ATP10B: variants seen among roughly 807,000 people sequenced by gnomAD.
ATP10B encodes phospholipid-transporting ATPase VB.
Under a neutral mutation model 141.2 loss-of-function variants are expected in ATP10B, and 122 were observed. That is an observed-to-expected ratio of 0.86 (90% CI 0.75 to 1.00). The LOEUF (loss-of-function observed/expected upper bound fraction) is 1.00, where lower values mean the gene tolerates loss of function less well. Ranked by LOEUF, ATP10B falls within the 50% of genes least tolerant of loss-of-function variation. The pLI is 0.00. For missense variants in ATP10B, 1,876 were observed against 1,825.3 expected, an observed-to-expected ratio of 1.03 and a Z score of -0.51; for synonymous variants, 685 against 692.0, an observed-to-expected ratio of 0.99 and a Z score of 0.16.
At chr5:160,881,577 C>G in the ATP10B span, among the ~76,000 whole-genome samples, 1 of 152,088 alleles carries the variant, frequency 6.6e-6, no homozygotes, top group Non-Finnish European at 1.5e-5. Flanking sequence ...CTTTGGGAGG[C>G]CGAGGCGGGT....
At chr5:160,643,528 T>C (rs1436149132) in intron 9 of ATP10B, among the ~76,000 whole-genome samples, 1 of 152,172 alleles carries the variant, frequency 6.6e-6, no homozygotes, top group African/African-American at 2.4e-5. Context: ...GATTCCATTG[T>C]GAGAAGCGCT....
intron 2 of ATP10B, among the ~76,000 whole-genome samples, chr5:160,776,563 C>T (rs140831748): frequency 1.3e-5 from 2 of 152,284 alleles, no homozygotes; most frequent in Non-Finnish European, 1.5e-5. Flanking sequence ...CAGGTTGACA[C>T]AGCTACTGAG....
chr5:160,829,599 G>A (rs974927580), intron 1 of ATP10B, among the ~76,000 whole-genome samples: 16 of 152,040 alleles, frequency 1.1e-4, no homozygotes, highest in Middle Eastern at 3.2e-3. Flanking sequence ...CCATGAGTAC[G>A]TAACATTTTT....
At chr5:160,716,592 A>T (rs1223972877) in intron 3 of ATP10B, among the ~76,000 whole-genome samples, 1 of 152,236 alleles carries the variant, frequency 6.6e-6, no homozygotes, top group Non-Finnish European at 1.5e-5. Context: ...CACTGGGAAG[A>T]CGATACATAT....
chr5:160,728,203 AC>A (rs1766493907), intron 2 of ATP10B, among the ~76,000 whole-genome samples: 1 of 152,100 alleles, frequency 6.6e-6, no homozygotes, highest in Non-Finnish European at 1.5e-5. Context: ...CTTACTGCCT[AC>A]CGTCTCTTCT....
chr5:160,780,255 G>A (rs1463761911), intron 2 of ATP10B, among the ~76,000 whole-genome samples: 2 of 152,124 alleles, frequency 1.3e-5, no homozygotes, highest in African/African-American at 4.8e-5. Flanking sequence ...AGTAGAAGCT[G>A]GGAGCATGGA....
chr5:160,786,882 C>A (rs543076004), intron 1 of ATP10B, among the ~76,000 whole-genome samples: 1 of 152,186 alleles, frequency 6.6e-6, no homozygotes, highest in East Asian at 1.9e-4. Flanking sequence ...CAGGGGACAG[C>A]TGAACTAAGT....
At chr5:160,773,070 G>GCTAT (rs67407130) in intron 2 of ATP10B, among the ~76,000 whole-genome samples, 19 of 151,700 alleles carry the variant, frequency 1.3e-4, no homozygotes, top group Non-Finnish European at 8.8e-5. Context: ...ATTTGTTGTC[G>GCTAT]TTGTTAATTA....
chr5:160,731,399 C>G (rs1456789873), intron 2 of ATP10B, among the ~76,000 whole-genome samples: 1 of 152,180 alleles, frequency 6.6e-6, no homozygotes, highest in African/African-American at 2.4e-5. Context: ...GGTACCTGCT[C>G]CTAATGGCTT....
intron 6 of ATP10B, among the ~76,000 whole-genome samples, chr5:160,679,336 A>G (rs1032898403): frequency 1.3e-5 from 2 of 152,244 alleles, no homozygotes; most frequent in African/African-American, 4.8e-5. Flanking sequence ...TATATAATCT[A>G]TATTATTCTT....
the ATP10B span, among the ~76,000 whole-genome samples, chr5:160,869,691 T>A: frequency 6.6e-6 from 1 of 151,880 alleles, no homozygotes; most frequent in African/African-American, 2.4e-5. Context: ...GAAAGACAGG[T>A]GAATACAGCA....
chr5:160,865,764 T>C, the ATP10B span, among the ~76,000 whole-genome samples: 14 of 152,054 alleles, frequency 9.2e-5, no homozygotes, highest in African/African-American at 2.9e-4. Context: ...AGGACGTGAA[T>C]AGACAATTCT....
intron 2 of ATP10B, among the ~76,000 whole-genome samples, chr5:160,721,169 C>T (rs985623880): frequency 3.9e-5 from 6 of 152,170 alleles, no homozygotes; most frequent in South Asian, 2.1e-4. Context: ...TGTCAGAACA[C>T]CTCGGGGTTC....
the ATP10B span, among the ~76,000 whole-genome samples, chr5:160,876,792 G>A: frequency 1.3e-5 from 2 of 150,746 alleles, no homozygotes; most frequent in Non-Finnish European, 3.0e-5. Flanking sequence ...TAGAAGAAAT[G>A]GATAAATTCC....
intron 2 of ATP10B, among the ~76,000 whole-genome samples, chr5:160,780,106 A>G (rs569576321): frequency 6.6e-6 from 1 of 152,324 alleles, no homozygotes; most frequent in African/African-American, 2.4e-5. Context: ...AGCACTGCTA[A>G]TTATTAGAAC....
At chr5:160,676,973 G>A (rs950884172) in intron 6 of ATP10B, among the ~76,000 whole-genome samples, 6 of 152,252 alleles carry the variant, frequency 3.9e-5, no homozygotes, top group East Asian at 1.9e-4. Context: ...GCATGGTCTC[G>A]TGGCTCTGTT....
chr5:160,917,266 C>CTTTTTTTTTTTTTT, the ATP10B span, among the ~76,000 whole-genome samples: 1 of 93,566 alleles, frequency 1.1e-5, no homozygotes, highest in African/African-American at 5.7e-5. Flanking sequence ...TTCTAGGGTA[C>CTTTTTTTTTTTTTT]TTCTTTTTTT....
rs771051026 is a variant in ATP10B, at chr5:160,565,597, T to G, written c.4242A>C (p.Ser1414=). The G allele has an allele frequency of 3.7e-6, 6 of 1,614,024 alleles. No individual in the cohort carries two copies. In the East Asian group the frequency reaches 1.3e-4, roughly 36 times the overall value. The part of the protein sequence containing the change: ...GTECMRDDSC[S]GDSSAQLSSG... ...ATGAGAGTTGAGCTGAGGAGTCCCC[T>G]GAGCATGAGTCATCCCTCATGCACT... The change falls in exon 26 of 26, where the codon TCA becomes TCC. Residue 1414 remains serine (S), a synonymous_variant. Coordinates refer to ENST00000327245, the MANE Select transcript of ATP10B (RefSeq NM_025153.3).
chr5:160,720,713 T>C (rs1288551836), intron 2 of ATP10B, among the ~76,000 whole-genome samples: 2 of 152,268 alleles, frequency 1.3e-5, no homozygotes, highest in African/African-American at 2.4e-5. Flanking sequence ...CCTCTCTTCC[T>C]GATAAGCTCA....
Sources: gnomAD v4.1 joint callset for allele counts (sites outside exome capture counted in the v4.1 genomes callset) on GRCh38, gnomAD v4.1.1 for gene constraint, MANE v1.5 for transcripts, NCBI Gene and HGNC (gene_info 2026-07-23, HGNC 2026-07-21) for gene names.